The following MBD5 variants were observed in gnomAD, a reference collection of about 807,000 sequenced individuals.
MBD5 encodes methyl-CpG binding domain protein 5, also known as methyl-CpG-binding domain protein 5.
In MBD5, 13 loss-of-function variants were observed where a neutral mutation model predicts 117.3. The observed-to-expected ratio is 0.11, with a 90% CI of 0.07 to 0.18. The LOEUF (loss-of-function observed/expected upper bound fraction) is 0.18, where lower values mean the gene tolerates loss of function less well. Among genes scored for constraint, MBD5 ranks in the 10% least tolerant of loss-of-function variants. The pLI, the probability that MBD5 is intolerant of heterozygous loss-of-function variation, is 1.00. For synonymous variants in MBD5, 727 were observed against 766.4 expected (o/e 0.95, Z 0.85); for missense variants, 1,879 against 2,093.8 (o/e 0.90, Z 2.00).
chr2:148,494,303 T>G (rs977117186), intron 11 of MBD5, among the ~76,000 whole-genome samples: 1 of 152,186 alleles, frequency 6.6e-6, no homozygotes, highest in Non-Finnish European at 1.5e-5. Flanking sequence ...AATTGGCATA[T>G]CTGATTATAA....
intron 1 of MBD5, among the ~76,000 whole-genome samples, chr2:148,075,355 T>C (rs1695481532): frequency 6.6e-6 from 1 of 152,242 alleles, no homozygotes. Flanking sequence ...CATATCTCTT[T>C]TTCCTTGCCT....
chr2:148,113,956 T>G (rs572228226), intron 1 of MBD5, among the ~76,000 whole-genome samples: 1 of 152,312 alleles, frequency 6.6e-6, no homozygotes, highest in South Asian at 2.1e-4. Context: ...AACAGTATAT[T>G]GTGAACATCT....
intron 8 of MBD5, among the ~76,000 whole-genome samples, chr2:148,476,221 C>CT (rs5835194): frequency 0.84 from 128,046 of 152,178 alleles, 55,841 homozygotes; most frequent in South Asian, 0.98. Context: ...AATATGCTCC[C>CT]AGAGCACAGC....
At chr2:148,200,418 G>A (rs553308460) in intron 2 of MBD5, among the ~76,000 whole-genome samples, 68 of 152,212 alleles carry the variant, frequency 4.5e-4, no homozygotes, top group Non-Finnish European at 8.7e-4. Flanking sequence ...GGGGCTGGGC[G>A]CGGTGGCTCA....
intron 11 of MBD5, among the ~76,000 whole-genome samples, chr2:148,499,073 G>A (rs977277168): frequency 4.6e-5 from 7 of 152,098 alleles, no homozygotes; most frequent in Non-Finnish European, 5.9e-5. Context: ...CAAGCAGATC[G>A]CTTGAGCCCA....
intron 8 of MBD5, among the ~76,000 whole-genome samples, chr2:148,476,516 G>C (rs187615196): frequency 8.7e-4 from 133 of 152,180 alleles, no homozygotes; most frequent in Non-Finnish European, 1.2e-3. Context: ...AACAGATCAT[G>C]ACCTAGCACT....
chr2:148,390,781 G>C (rs56360902), intron 4 of MBD5, among the ~76,000 whole-genome samples: 1 of 151,946 alleles, frequency 6.6e-6, no homozygotes, highest in Non-Finnish European at 1.5e-5. Context: ...CCCTGGTCTC[G>C]AACTCCTGGG....
At chr2:148,131,119 A>G (rs2105468572) in intron 1 of MBD5, among the ~76,000 whole-genome samples, 1 of 152,328 alleles carries the variant, frequency 6.6e-6, no homozygotes, top group African/African-American at 2.4e-5. Flanking sequence ...AACTAATGCA[A>G]TGATTAATTG....
chr2:148,283,788 T>C (rs1390267357), intron 3 of MBD5, among the ~76,000 whole-genome samples: 1 of 152,230 alleles, frequency 6.6e-6, no homozygotes, highest in African/African-American at 2.4e-5. Flanking sequence ...TTTCTGCCTC[T>C]GGGAGCCCAG....
intron 4 of MBD5, among the ~76,000 whole-genome samples, chr2:148,433,433 T>G (rs1324321700): frequency 6.6e-6 from 1 of 152,174 alleles, no homozygotes; most frequent in Non-Finnish European, 1.5e-5. Flanking sequence ...TGTGCTGGTT[T>G]TCAAGGGGAT....
chr2:148,034,122 G>A (rs904345720), intron 1 of MBD5, among the ~76,000 whole-genome samples: 2 of 151,878 alleles, frequency 1.3e-5, no homozygotes, highest in Non-Finnish European at 2.9e-5. Context: ...TTAAGCCTGC[G>A]AGGTCAAGGC....
intron 4 of MBD5, among the ~76,000 whole-genome samples, chr2:148,391,147 A>G (rs2105531384): frequency 6.6e-6 from 1 of 152,286 alleles, no homozygotes; most frequent in East Asian, 1.9e-4. Context: ...AAGAGAAGAA[A>G]ATGTCCTGAG....
Position 148,154,560 on chromosome 2 carries a change from G to A in MBD5, c.-924-24140G>A, listed in dbSNP as rs553516225. 7.2e-5 allele frequency among the ~76,000 whole-genome samples: 11 copies of A among 152,302 alleles called. 1 individual carries two copies. The highest frequency in any genetic ancestry group is 2.6e-4 in the African/African-American group (11 of 41,560). On this transcript the variant is annotated intron_variant, in intron 1 of 13. Transcript: ENST00000642680. ...CTGCCGCCTTGCAATTTGATCTCAG[G>A]CTGCTGTGCTATCAATCAGCGAGAC...
At position 148,483,310 on chromosome 2, in the gene MBD5, A is replaced by G. The variant is rs1351355608; in HGVS notation, c.2719A>G (p.Asn907Asp). ...TCATTTTCCATCCAACAGCACTTCA[A>G]ACAACCATCTTCCACACCCCTTGAA... is the stretch of plus-strand genomic sequence containing the variant. ...ALHFPSNSTS[N>D]NHLPHPLNPS... is the part of the protein sequence containing the mutation. The change falls in exon 9 of 14, where the codon AAC (asparagine) becomes GAC (aspartate). Residue 907 changes from asparagine to aspartate, a missense_variant. By Grantham distance (23) the Asn-to-Asp change is conservative. This residue lies in a region of MBD5 where 1,666 missense variants were observed against 1,792.2 expected (regional missense o/e 0.93). Transcript: ENST00000642680. 2 of 1,613,896 alleles carry G rather than the reference A, an allele frequency of 1.2e-6. No homozygotes were observed. Among genetic ancestry groups the G allele is most frequent in the African/African-American group, 1.3e-5 (1 of 74,874 alleles).
intron 3 of MBD5, among the ~76,000 whole-genome samples, chr2:148,265,805 ACT>A (rs1295515509): frequency 6.6e-6 from 1 of 152,162 alleles, no homozygotes; most frequent in East Asian, 1.9e-4. Flanking sequence ...TATTTTTGAG[ACT>A]CTGCTATATG....
chr2:148,348,098 G>A (rs1703164880), intron 4 of MBD5, among the ~76,000 whole-genome samples: 1 of 151,998 alleles, frequency 6.6e-6, no homozygotes, highest in South Asian at 2.1e-4. Context: ...AGCCTACCTT[G>A]TTTAACACTA....
intron 4 of MBD5, among the ~76,000 whole-genome samples, chr2:148,355,320 A>G (rs1196971280): frequency 7.2e-6 from 1 of 139,388 alleles, no homozygotes; most frequent in African/African-American, 2.7e-5. Flanking sequence ...TTTTTTTGCC[A>G]TTGCTTTTGG....
In MBD5 at chr2:148,202,894, A is replaced by G. The variant is rs980094709; in HGVS notation, c.-831+24101A>G. ...AATAAATAATAAAAAGCAACTCTTTAAAAGCTGTAAAATAGACTGGCCAAC... is the reference window on the plus strand; with the variant it reads ...AATAAATAATAAAAAGCAACTCTTTGAAAGCTGTAAAATAGACTGGCCAAC... On this transcript the variant is annotated intron_variant, in intron 2 of 13. Transcript: ENST00000642680. Among the ~76,000 whole-genome samples, 4 of 152,216 alleles carry G rather than the reference A, an allele frequency of 2.6e-5. No individual in the cohort carries two copies. The East Asian group carries it at 7.7e-4, about 29-fold the overall frequency.
At chr2:148,252,536 T>C (rs1219760138) in intron 3 of MBD5, among the ~76,000 whole-genome samples, 2 of 152,112 alleles carry the variant, frequency 1.3e-5, no homozygotes, top group African/African-American at 4.8e-5. Flanking sequence ...CCAGATATCA[T>C]GTATCTTTAT....
Sources: gnomAD v4.1 joint callset for allele counts (sites outside exome capture counted in the v4.1 genomes callset) on GRCh38, gnomAD v4.1.1 for gene constraint, gnomAD v4.1.1 regional missense constraint, MANE v1.5 for transcripts, NCBI Gene and HGNC (gene_info 2026-07-23, HGNC 2026-07-21) for gene names.